The following CARMIL1 variants were observed in gnomAD, a reference collection of about 807,000 sequenced individuals.
CARMIL1 encodes the protein capping protein regulator and myosin 1 linker 1.
CARMIL1 carries 90 observed loss-of-function variants against 177.1 expected under a neutral mutation model. The ratio of observed to expected loss-of-function variants is 0.51; its 90% CI spans 0.43 to 0.61. CARMIL1 has a LOEUF of 0.61. Among genes scored for constraint, CARMIL1 ranks in the 20% least tolerant of loss-of-function variants. The pLI, the probability that CARMIL1 is intolerant of heterozygous loss-of-function variation, is 0.00. For synonymous variants in CARMIL1, 577 were observed against 606.2 expected (o/e 0.95, Z 0.71); for missense variants, 1,380 against 1,667.0 (o/e 0.83, Z 3.00).
chr6:25,573,357 A>G (rs1307650537), intron 29 of CARMIL1, among the ~76,000 whole-genome samples: 2 of 152,120 alleles, frequency 1.3e-5, no homozygotes, highest in African/African-American at 2.4e-5. Flanking sequence ...ATGCTATAGT[A>G]AATTTCTTGG....
intron 3 of CARMIL1, among the ~76,000 whole-genome samples, chr6:25,421,363 G>T (rs1405068646): frequency 1.3e-5 from 2 of 151,744 alleles, no homozygotes; most frequent in East Asian, 3.9e-4. Flanking sequence ...TCATTAAAAA[G>T]TCAGGAAACA....
intron 23 of CARMIL1, among the ~76,000 whole-genome samples, chr6:25,525,168 C>T (rs112739454): frequency 5.9e-5 from 9 of 152,012 alleles, no homozygotes; most frequent in South Asian, 2.1e-4. Context: ...AAAAAAGCAC[C>T]CATAGGCATA....
intron 24 of CARMIL1, among the ~76,000 whole-genome samples, chr6:25,531,072 G>C (rs1240947472): frequency 1.3e-5 from 2 of 152,142 alleles, no homozygotes; most frequent in African/African-American, 4.8e-5. Context: ...TATGCTAAAT[G>C]TTTAGTTTTT....
rs1300276807 is a variant in CARMIL1, at chr6:25,326,929, G to A, written c.138+42020G>A. Among the ~76,000 whole-genome samples the A allele has an allele frequency of 6.6e-6, 1 of 152,070 alleles. No homozygotes were observed. The highest frequency in any genetic ancestry group is 6.6e-5 in the Admixed American group (1 of 15,266). ...ATAAGGACCTTGTTTATTGTGATGAGGGAGACTGGTGGGGGTAGCAAAAGG... is the reference window on the plus strand; with the variant it reads ...ATAAGGACCTTGTTTATTGTGATGAAGGAGACTGGTGGGGGTAGCAAAAGG... On this transcript the variant is annotated intron_variant, in intron 2 of 36. Transcript: ENST00000329474. The surrounding 1 kb of genome is among the most constrained non-coding windows in gnomAD (Gnocchi z 4.2).
chr6:25,411,787 C>T lies in CARMIL1; in HGVS notation c.139-8327C>T, dbSNP rs542986636. Among the ~76,000 whole-genome samples the T allele has an allele frequency of 3.9e-5, 6 of 152,328 alleles. No individual in the cohort carries two copies. In the South Asian group the frequency reaches 1.0e-3, roughly 26 times the overall value. On this transcript the variant is annotated intron_variant, in intron 2 of 36. Transcript: ENST00000329474. ...CCGAATAGAAAACGAAACTCAGTGA[C>T]TTCTTGACCGCCTATTGAAGAAGCA...
intron 8 of CARMIL1, 29 bp downstream of exon 8, chr6:25,450,740 TTTC>T (rs1798705511): frequency 7.6e-7 from 1 of 1,318,476 alleles, no homozygotes; most frequent in Non-Finnish European, 1.0e-6. Flanking sequence ...TCTTTCCTCC[TTTC>T]CTCCCTCCCT....
At chr6:25,479,893 AT>A (rs1329306694) in intron 11 of CARMIL1, among the ~76,000 whole-genome samples, 1 of 152,034 alleles carries the variant, frequency 6.6e-6, no homozygotes, top group East Asian at 1.9e-4. Flanking sequence ...TCCCACTGTG[AT>A]TTTTGACTCT....
At chr6:25,329,399 A>G (rs1785403253) in intron 2 of CARMIL1, among the ~76,000 whole-genome samples, 1 of 152,180 alleles carries the variant, frequency 6.6e-6, no homozygotes, top group African/African-American at 2.4e-5. Context: ...TGTTGACTGC[A>G]ATTTGTCATT....
intron 29 of CARMIL1, among the ~76,000 whole-genome samples, chr6:25,580,314 T>C (rs1227186243): frequency 1.4e-4 from 22 of 152,346 alleles, no homozygotes; most frequent in Admixed American, 2.0e-4. Context: ...GCTAGGAAAG[T>C]GCTCTTCAGT....
chr6:25,579,348 TA>T (rs1812916747), intron 29 of CARMIL1, among the ~76,000 whole-genome samples: 1 of 152,004 alleles, frequency 6.6e-6, no homozygotes, highest in Non-Finnish European at 1.5e-5. Context: ...GGCTAAAAAT[TA>T]TATCTGAAGC....
At chr6:25,340,777 GTTTTT>G (rs34928775) in intron 2 of CARMIL1, among the ~76,000 whole-genome samples, 33 of 86,134 alleles carry the variant, frequency 3.8e-4, no homozygotes, top group African/African-American at 6.8e-4. Context: ...GTCAATGAAG[GTTTTT>G]TTTTTTTTTT....
intron 5 of CARMIL1, among the ~76,000 whole-genome samples, chr6:25,447,753 C>T (rs1165347516): frequency 6.6e-6 from 1 of 152,028 alleles, no homozygotes; most frequent in African/African-American, 2.4e-5. Flanking sequence ...TTCACTTCCT[C>T]TCCCCTGGAA....
In CARMIL1 at chr6:25,619,333, C is replaced by T. The variant is rs925858856; in HGVS notation, c.3980-114C>T. The T allele has an allele frequency of 4.1e-5, 41 of 1,007,090 alleles. 1 individual carries two copies. In the Admixed American group the frequency reaches 1.1e-3, roughly 28 times the overall value. The allele number at this position is 1,007,090 out of a possible 1,614,324, so 62.4% of individuals were successfully genotyped here. ...CAAGTTTGTTTCTGAGAAAGTTCAC[C>T]CTGGCCCCCTCCCCTCCCCCAAACC... is the stretch of plus-strand genomic sequence containing the variant. On this transcript the variant is annotated intron_variant, in intron 36 of 36. Transcript: ENST00000329474.
chr6:25,420,277 CA>C, intron 3 of CARMIL1, 113 bp downstream of exon 3: 1 of 915,236 alleles, frequency 1.1e-6, no homozygotes, highest in South Asian at 1.4e-5. Flanking sequence ...TATACTGCAA[CA>C]CAACACACAC....
In CARMIL1 at chr6:25,436,193, T is replaced by C. The variant is rs543904167; in HGVS notation, c.371+589T>C. 4.6e-5 allele frequency among the ~76,000 whole-genome samples: 7 copies of C among 152,258 alleles called. 1 individual carries two copies. In the South Asian group the frequency reaches 1.0e-3, roughly 23 times the overall value. On this transcript the variant is annotated intron_variant, in intron 5 of 36. Coordinates refer to ENST00000329474, the MANE Select transcript of CARMIL1 (RefSeq NM_017640.6). ...TGGGCTTGGATACCTGAGTTTGTAG[T>C]TGGGGAGTGTGTGGGTTGTTGGGAT...
chr6:25,482,568 A>T (rs577041922), intron 12 of CARMIL1, among the ~76,000 whole-genome samples: 9 of 152,348 alleles, frequency 5.9e-5, no homozygotes, highest in Admixed American at 5.9e-4. Context: ...TGACATGTAC[A>T]TGCAGTCTTT....
Position 25,307,611 on chromosome 6 carries a change from A to G in CARMIL1, c.138+22702A>G, listed in dbSNP as rs369204322. Among the ~76,000 whole-genome samples the G allele has an allele frequency of 3.9e-5, 6 of 152,366 alleles. No individual in the cohort carries two copies. In the East Asian group the frequency reaches 9.6e-4, roughly 24 times the overall value. On this transcript the variant is annotated intron_variant, in intron 2 of 36. Transcript: ENST00000329474. Reference sequence around the variant, plus strand: ...ATTTGTTAATTTCTCTTGGTTATGGAATGAAAAGTATTCCCACTGTTAAAA... The same window carrying G: ...ATTTGTTAATTTCTCTTGGTTATGGGATGAAAAGTATTCCCACTGTTAAAA...
chr6:25,429,834 G>A (rs1052782923), intron 4 of CARMIL1, among the ~76,000 whole-genome samples: 1 of 150,608 alleles, frequency 6.6e-6, no homozygotes, highest in Non-Finnish European at 1.5e-5. Flanking sequence ...ATTTGGCCAT[G>A]ATATATAATT....
At chr6:25,365,255 A>G (rs923445255) in intron 2 of CARMIL1, among the ~76,000 whole-genome samples, 3 of 152,200 alleles carry the variant, frequency 2.0e-5, no homozygotes, top group African/African-American at 7.2e-5. Context: ...TGGTTGTAGT[A>G]TAGAGAATAA....
Sources: gnomAD v4.1 joint callset for allele counts (sites outside exome capture counted in the v4.1 genomes callset) on GRCh38, gnomAD v4.1.1 for gene constraint, Gnocchi (gnomAD v3.1) non-coding constraint, MANE v1.5 for transcripts, NCBI Gene and HGNC (gene_info 2026-07-23, HGNC 2026-07-21) for gene names.